GOLGA3: variants seen among roughly 807,000 people sequenced by gnomAD.
GOLGA3 encodes the protein golgin subfamily A member 3.
Under a neutral mutation model 169.4 loss-of-function variants are expected in GOLGA3, and 75 were observed. That is an observed-to-expected ratio of 0.44 (90% CI 0.37 to 0.54). GOLGA3 has a LOEUF of 0.54. Among genes scored for constraint, GOLGA3 ranks in the 20% least tolerant of loss-of-function variants. The pLI is 0.00. For missense variants in GOLGA3, 1,899 were observed against 1,930.0 expected, an observed-to-expected ratio of 0.98 and a Z score of 0.30; for synonymous variants, 824 against 822.4, an observed-to-expected ratio of 1.00 and a Z score of -0.03.
Position 132,804,998 on chromosome 12 carries a change from G to A in GOLGA3, c.1315C>T (p.Gln439Ter). The change falls in exon 7 of 24, where the codon CAG (glutamine) becomes TAG (stop). Residue 439 changes from glutamine to a stop codon, truncating the protein, a stop_gained. Coordinates refer to ENST00000450791, the MANE Select transcript of GOLGA3 (RefSeq NM_001389683.1). LOFTEE classifies it high-confidence loss of function. The surrounding 1 kb of genome is among the most constrained non-coding windows in gnomAD (Gnocchi z 4.1). ...SQALKEKAEL[Q>*]AQLAALSTKL... ...GTGCTGAGGGCGGCCAGCTGGGCCT[G>A]CAGCTCAGCCTTCTCTTTAAGTGCC... 3 of 1,610,560 alleles carry A rather than the reference G, an allele frequency of 1.9e-6. No homozygotes were observed. The highest frequency in any genetic ancestry group is 1.1e-5 in the South Asian group (1 of 91,038).
chr12:132,770,632 T>A lies in GOLGA3; in HGVS notation c.*2473A>T, dbSNP rs998798702. ...TGTGATTTCTCGATTTTAGATTTTT[T>A]AAAATCATTTATTTATTTTTGAGAC... On this transcript the variant is annotated 3_prime_UTR_variant, in exon 24 of 24. Coordinates refer to ENST00000450791, the MANE Select transcript of GOLGA3 (RefSeq NM_001389683.1). 6.6e-5 allele frequency: 10 copies of A among 152,348 alleles called. No individual in the cohort carries two copies. The highest frequency in any genetic ancestry group is 1.0e-4 in the Non-Finnish European group (7 of 68,040). The allele number at this position is 152,348 out of a possible 1,614,324, so 9.4% of individuals were successfully genotyped here.
chr12:132,813,090 G>A (rs1949794489), intron 4 of GOLGA3, among the ~76,000 whole-genome samples: 1 of 152,200 alleles, frequency 6.6e-6, no homozygotes, highest in South Asian at 2.1e-4. Context: ...TTACATTTTT[G>A]TGGTGGTCCA....
rs1396433055 is a variant in GOLGA3 at position 132,816,542 on chromosome 12, A to G, written c.404T>C (p.Leu135Pro). The change falls in exon 3 of 24, where the codon CTG becomes CCG. Residue 135 changes from leucine to proline, a missense_variant and splice_region_variant. Coordinates refer to ENST00000450791, the MANE Select transcript of GOLGA3 (RefSeq NM_001389683.1). ...RLSLPMQETQ[L>P]CSTDSPLPLE... ...AAAGCGGGGTAACGGATGCTTACAC[A>G]GTTGCGTTTCTTGCATAGGAAGACT... 1 of 1,612,038 alleles carries G rather than the reference A, an allele frequency of 6.2e-7. No homozygotes were observed. Among genetic ancestry groups the G allele is most frequent in the African/African-American group, 1.3e-5 (1 of 75,030 alleles).
chr12:132,805,153 A>AT (rs1949330183), intron 6 of GOLGA3, 131 bp from the exon 7 acceptor site: 5 of 1,000,232 alleles, frequency 5.0e-6, no homozygotes, highest in Non-Finnish European at 5.7e-6. Flanking sequence ...GCGCTCTCCC[A>AT]AGGCCTGACA....
rs1008547905 is a variant in GOLGA3 at position 132,772,887 on chromosome 12, G to T, written c.*218C>A. On this transcript the variant is annotated 3_prime_UTR_variant, in exon 24 of 24. Coordinates refer to ENST00000450791, the MANE Select transcript of GOLGA3 (RefSeq NM_001389683.1). ...AAAGCTCCTCGCCGAGAGCCTATCA[G>T]GCTTTTAAGAGTTGGTCATTCCATG... The T allele has an allele frequency of 1.0e-5, 5 of 492,404 alleles. No homozygotes were observed. The highest frequency in any genetic ancestry group is 1.0e-4 in the African/African-American group (5 of 49,520). 30.5% of individuals were successfully genotyped at this position (492,404 alleles called of 1,614,324 possible).
At position 132,786,688 on chromosome 12, in the gene GOLGA3, C is replaced by CTT; in HGVS notation, c.2906+3_2906+4dup. ...CGCACCTCCCCCGGGCACATGCAGA[C>CTT]TTACTTCCGGGCCTCTTGCTGCAAC... On this transcript the variant is annotated splice_donor_region_variant and intron_variant, in intron 14 of 23. Coordinates refer to ENST00000450791, the MANE Select transcript of GOLGA3 (RefSeq NM_001389683.1). The CTT allele has an allele frequency of 6.3e-7, 1 of 1,597,602 alleles. No individual in the cohort carries two copies. Among genetic ancestry groups the CTT allele is most frequent in the South Asian group, 1.1e-5 (1 of 90,672 alleles).
intron 1 of GOLGA3, among the ~76,000 whole-genome samples, chr12:132,827,370 C>T (rs922061467): frequency 6.6e-6 from 1 of 152,198 alleles, no homozygotes; most frequent in East Asian, 1.9e-4. Context: ...CCGGCCTCAG[C>T]TCCCGACCCT....
intron 7 of GOLGA3, among the ~76,000 whole-genome samples, chr12:132,803,817 T>C (rs923744765): frequency 1.3e-5 from 2 of 152,124 alleles, no homozygotes; most frequent in Non-Finnish European, 2.9e-5. Context: ...CAGGGACCCC[T>C]GGCTCAGGAG....
Position 132,781,029 on chromosome 12 carries a change from G to T in GOLGA3, c.3466-115C>A, listed in dbSNP as rs535781151. On this transcript the variant is annotated intron_variant, in intron 17 of 23. Coordinates refer to ENST00000450791, the MANE Select transcript of GOLGA3 (RefSeq NM_001389683.1). ...ATCACAGGCACACGCCAGGGAGGTAGAGGGAACTTCACTGCTGAAGAATCT... is the reference window on the plus strand; with the variant it reads ...ATCACAGGCACACGCCAGGGAGGTATAGGGAACTTCACTGCTGAAGAATCT... 5.4e-6 allele frequency: 4 copies of T among 747,658 alleles called. No homozygotes were observed. The African/African-American group carries it at 6.9e-5, about 13-fold the overall frequency. The allele number at this position is 747,658 out of a possible 1,614,324, so 46.3% of individuals were successfully genotyped here.
Position 132,807,913 on chromosome 12 carries a change from G to C in GOLGA3, c.1156C>G (p.Arg386Gly). The C allele has an allele frequency of 6.9e-7, 1 of 1,443,340 alleles. No individual in the cohort carries two copies. The highest frequency in any genetic ancestry group is 3.6e-5 in the East Asian group (1 of 28,116). 89.4% of individuals were successfully genotyped at this position (1,443,340 alleles called of 1,614,324 possible). Residue 386 changes from arginine (R) to glycine (G), a missense_variant, in exon 5 of 24, where the codon CGG (arginine) becomes GGG (glycine). Coordinates refer to ENST00000450791, the MANE Select transcript of GOLGA3 (RefSeq NM_001389683.1). ...CACCTGCTGCAGATGCTGTCTCTCC[G>C]ACTCCGCACCTCCCCGTTGACCTCC... ...GQEVNGEVRSRRDSICSSVSL... is the reference protein window; with the variant it reads ...GQEVNGEVRSGRDSICSSVSL...
chr12:132,793,015 C>T (rs561916483), intron 11 of GOLGA3, among the ~76,000 whole-genome samples: 3 of 110,906 alleles, frequency 2.7e-5, no homozygotes, highest in East Asian at 2.9e-4. Context: ...CCGCACGGGA[C>T]CCGCACTCGG....
At position 132,807,221 on chromosome 12, in the gene GOLGA3, G is replaced by A; in HGVS notation, c.1246C>T (p.Arg416Ter). 7 of 1,604,630 alleles carry A rather than the reference G, an allele frequency of 4.4e-6. No individual in the cohort carries two copies. The highest frequency in any genetic ancestry group is 1.3e-5 in the African/African-American group (1 of 74,886). The stretch of plus-strand genomic sequence containing the variant: ...AAGGCTTCCAGCTGTCCTTCGAGTC[G>A]CATTTTCTCTTTGAGCACCTGCAGC... ...EMLQVLKEKM[R>*]LEGQLEALSL... is the part of the protein sequence containing the mutation. Residue 416 changes from arginine to a stop codon, truncating the protein, a stop_gained, in exon 6 of 24, where the codon CGA (arginine) becomes TGA (stop). Transcript: ENST00000450791. LOFTEE classifies it high-confidence loss of function.
rs773410378 is a variant in GOLGA3, at chr12:132,808,526, C to T, written c.543G>A (p.Thr181=). Residue 181 remains threonine, a synonymous_variant, in exon 5 of 24, where the codon ACG becomes ACA. Coordinates refer to ENST00000450791, the MANE Select transcript of GOLGA3 (RefSeq NM_001389683.1). ...CAGGATCAAGCGTGCTAAAAAGTCTCGTTTTGGTTGCAGGTTGACTGGACT... is the reference window on the plus strand; with the variant it reads ...CAGGATCAAGCGTGCTAAAAAGTCTTGTTTTGGTTGCAGGTTGACTGGACT... ...QERSSQPATK[T]RLFSTLDPEL... 99 of 1,591,844 alleles carry T rather than the reference C, an allele frequency of 6.2e-5. No individual in the cohort carries two copies. The South Asian group carries it at 1.0e-3, about 16-fold the overall frequency.
At position 132,792,148 on chromosome 12, in the gene GOLGA3, T is replaced by C. The variant is rs201586098; in HGVS notation, c.2470-855A>G. 8.0e-4 allele frequency among the ~76,000 whole-genome samples: 122 copies of C among 152,278 alleles called. 3 individuals carry two copies. In the East Asian group the frequency reaches 8.5e-3, roughly 11 times the overall value. On this transcript the variant is annotated intron_variant, in intron 11 of 23. Coordinates refer to ENST00000450791, the MANE Select transcript of GOLGA3 (RefSeq NM_001389683.1). ...AGGGCACACATCTGCACAGATGTTA[T>C]AGGAAGAAGCACTTGTGTTCTGACG...
chr12:132,787,840 G>A (rs1247136032), intron 13 of GOLGA3, among the ~76,000 whole-genome samples: 1 of 97,696 alleles, frequency 1.0e-5, no homozygotes, highest in South Asian at 3.7e-4. Flanking sequence ...CGGAGACCCC[G>A]GGACCCCTCC....
At chr12:132,792,797 CGG>C (rs1948620343) in intron 11 of GOLGA3, among the ~76,000 whole-genome samples, 3 of 125,934 alleles carry the variant, frequency 2.4e-5, no homozygotes, top group Non-Finnish European at 5.1e-5. Flanking sequence ...GGGCTCCACA[CGG>C]ACCCACCCCA....
At chr12:132,788,453 G>C (rs545881446) in intron 13 of GOLGA3, among the ~76,000 whole-genome samples, 1 of 152,184 alleles carries the variant, frequency 6.6e-6, no homozygotes, top group South Asian at 2.1e-4. Context: ...TCCGTCCCCC[G>C]CCTCTACCCC....
rs146958550 is a variant in GOLGA3, at chr12:132,821,299, C to T, written c.133+697G>A. Among the ~76,000 whole-genome samples, 887 of 151,586 alleles carry T rather than the reference C, an allele frequency of 5.9e-3. 14 individuals carry two copies. Among genetic ancestry groups the T allele is most frequent in the African/African-American group, 0.02 (834 of 41,286 alleles). On this transcript the variant is annotated intron_variant, in intron 2 of 23. Coordinates refer to ENST00000450791, the MANE Select transcript of GOLGA3 (RefSeq NM_001389683.1). The stretch of plus-strand genomic sequence containing the variant: ...GCGCATGCCTGTAATCCCAGCTACT[C>T]GGGAGGCTGAGGCAGAAGAATTGCT...
At chr12:132,785,460 G>C (rs1284063369) in intron 15 of GOLGA3, among the ~76,000 whole-genome samples, 1 of 152,154 alleles carries the variant, frequency 6.6e-6, no homozygotes, top group Non-Finnish European at 1.5e-5. Context: ...ACAGGCACGT[G>C]CTACCATGCC....
Sources: gnomAD v4.1 joint callset for allele counts (sites outside exome capture counted in the v4.1 genomes callset) on GRCh38, gnomAD v4.1.1 for gene constraint, Gnocchi (gnomAD v3.1) non-coding constraint, MANE v1.5 for transcripts, NCBI Gene and HGNC (gene_info 2026-07-23, HGNC 2026-07-21) for gene names.